Variants in DHRSX observed in about 807,000 individuals in gnomAD.
DHRSX encodes polyprenol dehydrogenase.
DHRSX carries 31 observed loss-of-function variants against 34.0 expected under a neutral mutation model. That is an observed-to-expected ratio of 0.91 (90% CI 0.69 to 1.23). The LOEUF (loss-of-function observed/expected upper bound fraction) is 1.23. DHRSX is among the 50% of genes most tolerant of loss of function. The pLI is 0.00. For synonymous variants in DHRSX, 201 were observed against 183.8 expected, an observed-to-expected ratio of 1.09 and a Z score of -0.76; for missense variants, 414 against 428.1, an observed-to-expected ratio of 0.97 and a Z score of 0.29.
intron 1 of DHRSX, among the ~76,000 whole-genome samples, chrX:2,430,494 G>C (rs1050458314): frequency 2.6e-5 from 4 of 152,114 alleles, no homozygotes; most frequent in Admixed American, 2.6e-4. Flanking sequence ...GGCTTCCTCA[G>C]GGTTTTGGGT....
At chrX:2,265,168 C>T (rs867154366) in intron 5 of DHRSX, among the ~76,000 whole-genome samples, 11 of 118,750 alleles carry the variant, frequency 9.3e-5, no homozygotes, top group African/African-American at 3.4e-4. Flanking sequence ...GTCCAGCAGA[C>T]GCAGGGAGCA....
In DHRSX at chrX:2,500,799, C is replaced by T. The variant is rs2045408485; in HGVS notation, c.109+18G>A. 13 of 1,114,344 alleles carry T rather than the reference C, an allele frequency of 1.2e-5. No individual in the cohort carries two copies. The highest frequency in any genetic ancestry group is 1.2e-5 in the Non-Finnish European group (11 of 910,566). The allele number at this position is 1,114,344 out of a possible 1,614,324, so 69.0% of individuals were successfully genotyped here. Reference sequence around the variant, plus strand: ...ACCCGGGTCCCCGGAGCCCTGACCCCTGCCCCGCCCCGCTGACCTGGCTCC... The same window carrying T: ...ACCCGGGTCCCCGGAGCCCTGACCCTTGCCCCGCCCCGCTGACCTGGCTCC... On this transcript the variant is annotated intron_variant, in intron 1 of 6. Coordinates refer to ENST00000334651, the MANE Select transcript of DHRSX (RefSeq NM_145177.3).
rs1005980571 is a variant in DHRSX, at chrX:2,221,350, A to G, written c.805-121T>C. On this transcript the variant is annotated intron_variant, in intron 6 of 6. Coordinates refer to ENST00000334651, the MANE Select transcript of DHRSX (RefSeq NM_145177.3). The stretch of plus-strand genomic sequence containing the variant: ...ATATACTCATCAGCTGCACTGAGAA[A>G]TGTATGCAAAAAGCGAGGTTGGGTG... 9 of 1,044,890 alleles carry G rather than the reference A, an allele frequency of 8.6e-6. No individual in the cohort carries two copies. The Admixed American group carries it at 2.0e-4, about 23-fold the overall frequency. The allele number at this position is 1,044,890 out of a possible 1,614,324, so 64.7% of individuals were successfully genotyped here.
At chrX:2,284,324 T>G (rs2041776836) in intron 4 of DHRSX, among the ~76,000 whole-genome samples, 1 of 151,602 alleles carries the variant, frequency 6.6e-6, no homozygotes, top group African/African-American at 2.4e-5. Flanking sequence ...ATTCATTCAT[T>G]CCTCTGAATT....
intron 1 of DHRSX, among the ~76,000 whole-genome samples, chrX:2,445,759 C>T (rs2044123585): frequency 6.6e-6 from 1 of 151,726 alleles, no homozygotes; most frequent in Non-Finnish European, 1.5e-5. Flanking sequence ...ACACTGAAAA[C>T]ATTCCCTAAG....
intron 1 of DHRSX, among the ~76,000 whole-genome samples, chrX:2,461,079 T>G (rs2044396241): frequency 6.6e-6 from 1 of 152,120 alleles, no homozygotes; most frequent in Non-Finnish European, 1.5e-5. Context: ...CCCCAAGAAT[T>G]TAGACATGTA....
intron 1 of DHRSX, among the ~76,000 whole-genome samples, chrX:2,448,929 C>G (rs1603107304): frequency 6.6e-6 from 1 of 152,172 alleles, no homozygotes; most frequent in Non-Finnish European, 1.5e-5. Context: ...TGGCTCACGC[C>G]TGTCATCCCA....
chrX:2,404,209 C>T (rs902680850), intron 3 of DHRSX, among the ~76,000 whole-genome samples: 7 of 152,070 alleles, frequency 4.6e-5, no homozygotes, highest in African/African-American at 7.2e-5. Flanking sequence ...GGCCCCGCCC[C>T]CACCCCCAGA....
chrX:2,251,884 C>T (rs1032062826), intron 5 of DHRSX, among the ~76,000 whole-genome samples: 3 of 151,852 alleles, frequency 2.0e-5, no homozygotes, highest in Non-Finnish European at 4.4e-5. Context: ...CAAAACATAA[C>T]TTTTTGGGGG....
intron 1 of DHRSX, chrX:2,490,006 C>T (rs779967592): frequency 1.2e-6 from 2 of 1,613,760 alleles, no homozygotes; most frequent in Admixed American, 1.7e-5. Flanking sequence ...TCTCTTCGGG[C>T]ACCTCGAAGG....
Position 2,298,394 on chromosome X carries a change from TA to T in DHRSX, c.287-6792del, listed in dbSNP as rs770643932. ...CTGAAGGAGGGATCTGGTCTTTTGT[TA>T]AAAAAAAAAAAAACAATTTTCACAG... On this transcript the variant is annotated intron_variant, in intron 3 of 6. Coordinates refer to ENST00000334651, the MANE Select transcript of DHRSX (RefSeq NM_145177.3). Among the ~76,000 whole-genome samples the T allele has an allele frequency of 5.4e-3, 712 of 132,374 alleles. 10 individuals carry two copies. Among genetic ancestry groups the T allele is most frequent in the East Asian group, 0.035 (165 of 4,734 alleles). The allele number at this position is 132,374 out of a possible 152,430, so 86.8% of individuals were successfully genotyped here. A position where few individuals can be genotyped will look rare whatever the true frequency, so the allele number is the denominator to read the frequency against.
chrX:2,464,789 G>A (rs1254888227), intron 1 of DHRSX, among the ~76,000 whole-genome samples: 2 of 151,164 alleles, frequency 1.3e-5, no homozygotes, highest in African/African-American at 4.9e-5. Context: ...CTAAGGGACC[G>A]CTGACATGTA....
chrX:2,425,140 C>CGGA, intron 2 of DHRSX, 57 bp downstream of exon 2: 2 of 1,011,218 alleles, frequency 2.0e-6, no homozygotes, highest in South Asian at 3.0e-5. Flanking sequence ...GATCCTGTCT[C>CGGA]AGAAAAAAAA....
intron 3 of DHRSX, among the ~76,000 whole-genome samples, chrX:2,327,350 A>G (rs1421858859): frequency 6.6e-6 from 1 of 152,198 alleles, no homozygotes; most frequent in African/African-American, 2.4e-5. Context: ...CAGTACTCCA[A>G]CCACAGAAAC....
chrX:2,354,443 C>T (rs886944762), intron 3 of DHRSX, among the ~76,000 whole-genome samples: 5 of 152,272 alleles, frequency 3.3e-5, no homozygotes, highest in East Asian at 1.9e-4. Context: ...CCACAGCCTC[C>T]ACTCCCTGCC....
intron 3 of DHRSX, among the ~76,000 whole-genome samples, chrX:2,371,069 G>A (rs2043052705): frequency 6.6e-6 from 1 of 151,924 alleles, no homozygotes; most frequent in South Asian, 2.1e-4. Context: ...ACCAGTGGTT[G>A]CATTAGTCCC....
intron 3 of DHRSX, 31 bp from the exon 4 acceptor site, chrX:2,291,634 G>C (rs73185760): frequency 0.22 from 326,005 of 1,485,778 alleles, 40,466 homozygotes; most frequent in Admixed American, 0.28. Context: ...AAAATACCTG[G>C]TTATCTCCCA....
intron 4 of DHRSX, among the ~76,000 whole-genome samples, chrX:2,274,035 T>TATA (rs1351229711): frequency 6.6e-6 from 1 of 151,998 alleles, no homozygotes; most frequent in Non-Finnish European, 1.5e-5. Flanking sequence ...ATTCCTATTT[T>TATA]ATTATTATTA....
In DHRSX at chrX:2,425,283, C is replaced by T. The variant is rs754803328; in HGVS notation, c.131G>A (p.Arg44His). 2.2e-5 allele frequency: 35 copies of T among 1,613,618 alleles called. No individual in the cohort carries two copies. The highest frequency in any genetic ancestry group is 8.9e-5 in the East Asian group (4 of 44,894). ...LEPVFPPRPD[R>H]VAIVTGGTDG... ...TGTCCCTCCCGTCACTATAGCGACACGGTCAGGTCGTGGGGGGAAAACTGA... is the reference window on the plus strand; with the variant it reads ...TGTCCCTCCCGTCACTATAGCGACATGGTCAGGTCGTGGGGGGAAAACTGA... Residue 44 changes from arginine to histidine, a missense_variant, in exon 2 of 7, where the codon CGT (arginine) becomes CAT (histidine). By Grantham distance (29) the Arg-to-His change is conservative. Transcript: ENST00000334651.
Sources: gnomAD v4.1 joint callset for allele counts (sites outside exome capture counted in the v4.1 genomes callset) on GRCh38, gnomAD v4.1.1 for gene constraint, MANE v1.5 for transcripts, NCBI Gene and HGNC (gene_info 2026-07-23, HGNC 2026-07-21) for gene names.